The following FRAS1 variants were observed in gnomAD, a reference collection of about 807,000 sequenced individuals.
FRAS1 encodes Fraser extracellular matrix complex subunit 1.
A neutral mutation model predicts 435.2 loss-of-function variants in FRAS1; 290 were observed. The ratio of observed to expected loss-of-function variants is 0.67; its 90% CI spans 0.61 to 0.73. FRAS1 has a LOEUF of 0.73. Ranked by LOEUF, FRAS1 falls within the 30% of genes least tolerant of loss-of-function variation. The pLI is 0.00. For synonymous variants in FRAS1, 1,800 were observed against 1,851.0 expected (o/e 0.97, Z 0.71); for missense variants, 4,860 against 5,001.5 (o/e 0.97, Z 0.85).
At chr4:78,231,648 T>A (rs1018861907) in intron 2 of FRAS1, among the ~76,000 whole-genome samples, 1 of 152,264 alleles carries the variant, frequency 6.6e-6, no homozygotes, top group South Asian at 2.1e-4. Flanking sequence ...TGACAGTTGA[T>A]ATACTGCTCT....
chr4:78,087,476 A>C (rs1252801711), intron 2 of FRAS1, among the ~76,000 whole-genome samples: 1 of 152,190 alleles, frequency 6.6e-6, no homozygotes, highest in African/African-American at 2.4e-5. Flanking sequence ...GAAAAGAGGA[A>C]GTCAAATTGT....
Position 78,462,888 on chromosome 4 carries a change from T to G in FRAS1, c.6764-1133T>G, listed in dbSNP as rs564718267. Among the ~76,000 whole-genome samples, 14 of 152,200 alleles carry G rather than the reference T, an allele frequency of 9.2e-5. No individual in the cohort carries two copies. The East Asian group carries it at 2.5e-3, about 27-fold the overall frequency. ...TGCAAATGTAAACCATGTGTGTTGA[T>G]TTTTTTTAACTTCTTAAAGATAAAG... On this transcript the variant is annotated intron_variant, in intron 47 of 73. Coordinates refer to ENST00000512123, the MANE Select transcript of FRAS1 (RefSeq NM_025074.7).
chr4:78,289,565 A>C (rs1440855701), intron 14 of FRAS1, among the ~76,000 whole-genome samples: 1 of 152,028 alleles, frequency 6.6e-6, no homozygotes, highest in Non-Finnish European at 1.5e-5. Flanking sequence ...TTAGTACCCA[A>C]AGCTCACATT....
At position 78,445,515 on chromosome 4, in the gene FRAS1, G is replaced by T; in HGVS notation, c.5666-7G>T. Reference sequence around the variant, plus strand: ...AAGGTAAAAATGCTCTCTTGATGTTGATGCAGGTGATCGTTTTGGCCCTGA... The same window carrying T: ...AAGGTAAAAATGCTCTCTTGATGTTTATGCAGGTGATCGTTTTGGCCCTGA... On this transcript the variant is annotated splice_region_variant and splice_polypyrimidine_tract_variant and intron_variant, in intron 41 of 73. Transcript: ENST00000512123. 6.4e-7 allele frequency: 1 copy of T among 1,557,014 alleles called. No homozygotes were observed. The highest frequency in any genetic ancestry group is 8.7e-7 in the Non-Finnish European group (1 of 1,148,230).
chr4:78,432,385 G>C lies in FRAS1; in HGVS notation c.4998G>C (p.Glu1666Asp). ...TGDTFTYEDV[E>D]KNALQYIHDG... The stretch of plus-strand genomic sequence containing the variant: ...ACACTTTCACCTATGAGGATGTTGA[G>C]AAAAATGCTCTACAGTATATACATG... Residue 1666 changes from glutamate to aspartate, a missense_variant, in exon 38 of 74, where the codon GAG becomes GAC. Transcript: ENST00000512123. 6.2e-7 allele frequency: 1 copy of C among 1,603,876 alleles called. No homozygotes were observed. Among genetic ancestry groups the C allele is most frequent in the South Asian group, 1.1e-5 (1 of 88,844 alleles).
intron 2 of FRAS1, among the ~76,000 whole-genome samples, chr4:78,115,297 T>A (rs564875496): frequency 1.3e-5 from 2 of 152,238 alleles, no homozygotes; most frequent in South Asian, 2.1e-4. Flanking sequence ...TCTATTTTTT[T>A]GTTGTGTCTC....
At chr4:78,484,088 C>G (rs879886208) in intron 58 of FRAS1, among the ~76,000 whole-genome samples, 1 of 151,994 alleles carries the variant, frequency 6.6e-6, no homozygotes, top group Non-Finnish European at 1.5e-5. Flanking sequence ...AACCACTAAT[C>G]TGTTTTCTGG....
At chr4:78,402,565 A>G (rs1485345756) in intron 30 of FRAS1, among the ~76,000 whole-genome samples, 1 of 152,240 alleles carries the variant, frequency 6.6e-6, no homozygotes, top group Non-Finnish European at 1.5e-5. Context: ...TTGCAAAAAC[A>G]GAATAAAAGC....
intron 36 of FRAS1, among the ~76,000 whole-genome samples, 194 bp from the exon 37 acceptor site, chr4:78,430,098 C>G (rs2054720): frequency 0.35 from 53,725 of 151,924 alleles, 9,773 homozygotes; most frequent in African/African-American, 0.42. Flanking sequence ...TTGGAAGCAC[C>G]TACTTGCAGT....
chr4:78,481,881 T>G lies in FRAS1; in HGVS notation c.8521T>G (p.Ser2841Ala). The G allele has an allele frequency of 6.2e-7, 1 of 1,613,880 alleles. No individual in the cohort carries two copies. The highest frequency in any genetic ancestry group is 8.5e-7 in the Non-Finnish European group (1 of 1,179,828). Residue 2841 changes from serine (S) to alanine (A), a missense_variant, in exon 57 of 74, where the codon TCA (serine) becomes GCA (alanine). Ser to Ala is a moderately conservative substitution (Grantham distance 99, BLOSUM62 1). Coordinates refer to ENST00000512123, the MANE Select transcript of FRAS1 (RefSeq NM_025074.7). Reference protein sequence around the residue: ...FASVWCATRPSDPASATPGVD... With the variant: ...FASVWCATRPADPASATPGVD... The stretch of plus-strand genomic sequence containing the variant: ...ATCTGTCTGGTGTGCAACGCGGCCC[T>G]CAGACCCAGCTTCTGCCACACCAGG...
intron 55 of FRAS1, among the ~76,000 whole-genome samples, chr4:78,478,907 G>A (rs1719930265): frequency 6.6e-6 from 1 of 152,220 alleles, no homozygotes; most frequent in African/African-American, 2.4e-5. Flanking sequence ...TTTGTATACA[G>A]TGGCAGATTT....
intron 28 of FRAS1, 37 bp from the exon 29 acceptor site, chr4:78,387,338 C>G: frequency 3.4e-6 from 5 of 1,475,954 alleles, no homozygotes; most frequent in Non-Finnish European, 4.6e-6. Flanking sequence ...TCCTTTCTTT[C>G]CCTCTTAACT....
At chr4:78,465,800 A>G (rs1441917419) in intron 49 of FRAS1, among the ~76,000 whole-genome samples, 3 of 152,266 alleles carry the variant, frequency 2.0e-5, no homozygotes, top group Non-Finnish European at 2.9e-5. Flanking sequence ...GCGGGTCACC[A>G]GAGAAGCAGT....
intron 2 of FRAS1, among the ~76,000 whole-genome samples, chr4:78,105,826 A>G (rs1045988556): frequency 6.7e-6 from 1 of 149,914 alleles, no homozygotes; most frequent in African/African-American, 2.5e-5. Context: ...CTGCATTTCC[A>G]TCTGAGGTAC....
chr4:78,115,142 T>G (rs13152252), intron 2 of FRAS1, among the ~76,000 whole-genome samples: 2 of 149,418 alleles, frequency 1.3e-5, no homozygotes, highest in Non-Finnish European at 3.0e-5. Flanking sequence ...TATTGATTTT[T>G]GTATGTTGAA....
At chr4:78,538,451 G>T (rs1721951029) in intron 72 of FRAS1, among the ~76,000 whole-genome samples, 1 of 152,142 alleles carries the variant, frequency 6.6e-6, no homozygotes, top group Admixed American at 6.5e-5. Context: ...AAGGACAGTG[G>T]GTTCCCAGAG....
chr4:78,456,726 T>G (rs977013647), intron 47 of FRAS1, among the ~76,000 whole-genome samples: 4 of 152,164 alleles, frequency 2.6e-5, no homozygotes, highest in African/African-American at 9.7e-5. Context: ...AGGGTAGAGA[T>G]AGGGATGCTA....
intron 2 of FRAS1, among the ~76,000 whole-genome samples, chr4:78,225,993 C>T (rs763965377): frequency 1.4e-4 from 22 of 151,970 alleles, no homozygotes; most frequent in Non-Finnish European, 2.9e-4. Context: ...TGAATCAATC[C>T]ATTATGTTTT....
chr4:78,254,912 G>A (rs1017649), intron 5 of FRAS1, among the ~76,000 whole-genome samples: 42,555 of 152,028 alleles, frequency 0.28, 6,818 homozygotes, highest in East Asian at 0.37. Flanking sequence ...TTGGTGCATA[G>A]GGCGCATGCA....
Sources: gnomAD v4.1 joint callset for allele counts (sites outside exome capture counted in the v4.1 genomes callset) on GRCh38, gnomAD v4.1.1 for gene constraint, MANE v1.5 for transcripts, NCBI Gene and HGNC (gene_info 2026-07-23, HGNC 2026-07-21) for gene names.